Variants in PPP6R2 observed in about 807,000 individuals in gnomAD.
The protein encoded by PPP6R2 is protein phosphatase 6 regulatory subunit 2.
A neutral mutation model predicts 100.2 loss-of-function variants in PPP6R2; 62 were observed. That is an observed-to-expected ratio of 0.62 (90% CI 0.50 to 0.76). PPP6R2 has a LOEUF of 0.76. Ranked by LOEUF, PPP6R2 falls within the 30% of genes least tolerant of loss-of-function variation. The pLI, the probability that PPP6R2 is intolerant of heterozygous loss-of-function variation, is 0.00. For missense variants in PPP6R2, 1,142 were observed against 1,276.3 expected (o/e 0.89, Z 1.60); for synonymous variants, 525 against 514.7 (o/e 1.02, Z -0.27).
intron 4 of PPP6R2, among the ~76,000 whole-genome samples, chr22:50,410,051 T>C (rs1367508471): frequency 6.6e-6 from 1 of 152,146 alleles, no homozygotes; most frequent in Non-Finnish European, 1.5e-5. Flanking sequence ...GTTTTTATTT[T>C]TTTTCTTTTC....
Position 50,444,323 on chromosome 22 carries a change from CTTTTTT to C in PPP6R2, c.*83_*88del. 1 of 1,194,496 alleles carries C rather than the reference CTTTTTT, an allele frequency of 8.4e-7. No homozygotes were observed. The highest frequency in any genetic ancestry group is 1.6e-5 in the African/African-American group (1 of 61,656). 74.0% of individuals were successfully genotyped at this position (1,194,496 alleles called of 1,614,324 possible). A position where few individuals can be genotyped will look rare whatever the true frequency, so the allele number is the denominator to read the frequency against. ...CGAGAAAACTACCTGGTGATGCAAT[CTTTTTT>C]TTTTTTAATTTAATTTAATTTTAAA... is the stretch of plus-strand genomic sequence containing the variant. On this transcript the variant is annotated 3_prime_UTR_variant, in exon 24 of 24. Transcript: ENST00000612753.
chr22:50,358,990 G>GGCCCC (rs2047181298), intron 1 of PPP6R2, among the ~76,000 whole-genome samples: 4 of 42,670 alleles, frequency 9.4e-5, no homozygotes, highest in Non-Finnish European at 1.6e-4. Flanking sequence ...TAAAAGAACC[G>GGCCCC]CCCCCCCCCC....
intron 4 of PPP6R2, among the ~76,000 whole-genome samples, chr22:50,409,078 C>G (rs1490422238): frequency 6.6e-6 from 1 of 152,184 alleles, no homozygotes; most frequent in Non-Finnish European, 1.5e-5. Context: ...TGCGCCATTG[C>G]ACTCCAGCCT....
intron 1 of PPP6R2, among the ~76,000 whole-genome samples, chr22:50,347,334 C>T (rs543072384): frequency 6.6e-6 from 1 of 152,114 alleles, no homozygotes; most frequent in Non-Finnish European, 1.5e-5. Context: ...GTCATCACCC[C>T]TCTTGTCCAA....
intron 4 of PPP6R2, among the ~76,000 whole-genome samples, chr22:50,412,154 T>C (rs1351656459): frequency 6.6e-6 from 1 of 152,174 alleles, no homozygotes; most frequent in Non-Finnish European, 1.5e-5. Flanking sequence ...TGTGTGAATA[T>C]GATCCATCGA....
At chr22:50,377,316 G>A (rs754499616) in intron 2 of PPP6R2, among the ~76,000 whole-genome samples, 1 of 152,172 alleles carries the variant, frequency 6.6e-6, no homozygotes, top group African/African-American at 2.4e-5. Flanking sequence ...TTAGCCAGGC[G>A]TGGTGGTGCA....
chr22:50,337,076 G>GA, the PPP6R2 span, among the ~76,000 whole-genome samples: 4 of 151,926 alleles, frequency 2.6e-5, no homozygotes, highest in African/African-American at 9.7e-5. Flanking sequence ...TTTGAAGGAG[G>GA]AAAAACCAAG....
At chr22:50,433,131 G>A (rs1471226960) in intron 12 of PPP6R2, among the ~76,000 whole-genome samples, 4 of 152,284 alleles carry the variant, frequency 2.6e-5, no homozygotes, top group Admixed American at 2.0e-4. Context: ...CACGTGGCAG[G>A]TGCTACTCAA....
the PPP6R2 span, among the ~76,000 whole-genome samples, chr22:50,335,607 G>A: frequency 2.6e-5 from 4 of 151,256 alleles, no homozygotes; most frequent in Non-Finnish European, 1.5e-5. Flanking sequence ...CACCTCCTGG[G>A]TTCAGGTGAT....
intron 22 of PPP6R2, among the ~76,000 whole-genome samples, chr22:50,442,165 C>T (rs2065802671): frequency 6.6e-6 from 1 of 152,192 alleles, no homozygotes; most frequent in Non-Finnish European, 1.5e-5. Flanking sequence ...TGCATGCGTC[C>T]CACCTGTACT....
chr22:50,337,373 T>C, the PPP6R2 span, among the ~76,000 whole-genome samples: 6 of 139,474 alleles, frequency 4.3e-5, no homozygotes, highest in South Asian at 2.3e-4. Flanking sequence ...GTGTGTGCTG[T>C]GTGGGGGGTG....
At chr22:50,383,426 G>A (rs1161715895) in intron 2 of PPP6R2, among the ~76,000 whole-genome samples, 11 of 152,114 alleles carry the variant, frequency 7.2e-5, no homozygotes, top group Non-Finnish European at 1.3e-4. Flanking sequence ...AGGGTTGCCC[G>A]TGTTTTCCCA....
At chr22:50,339,328 TG>T (rs2042341982), upstream of PPP6R2, among the ~76,000 whole-genome samples, 1 of 113,842 alleles carries the variant, frequency 8.8e-6, no homozygotes, top group African/African-American at 3.6e-5. Flanking sequence ...GTAGTGTGTG[TG>T]GTGTGTGTGG....
At chr22:50,397,639 CTTGT>C (rs2057241041) in intron 3 of PPP6R2, among the ~76,000 whole-genome samples, 2 of 118,366 alleles carry the variant, frequency 1.7e-5, no homozygotes, top group Non-Finnish European at 3.2e-5. Flanking sequence ...CCTCACCAGC[CTTGT>C]CATCTCTGAG....
chr22:50,400,527 C>T (rs954703306), intron 3 of PPP6R2, among the ~76,000 whole-genome samples: 1 of 152,164 alleles, frequency 6.6e-6, no homozygotes, highest in African/African-American at 2.4e-5. Context: ...CACCTGTTTT[C>T]TCTCCTCTCT....
intron 3 of PPP6R2, among the ~76,000 whole-genome samples, chr22:50,398,259 C>T (rs1019875358): frequency 6.6e-6 from 1 of 151,110 alleles, no homozygotes; most frequent in Non-Finnish European, 1.5e-5. Context: ...ACAACCTCCG[C>T]GTCCCAGGTT....
intron 3 of PPP6R2, among the ~76,000 whole-genome samples, chr22:50,395,231 C>CA (rs1373971223): frequency 1.3e-5 from 2 of 152,172 alleles, no homozygotes; most frequent in Non-Finnish European, 2.9e-5. Context: ...CGTCCGTTCT[C>CA]AGAGTTTTTC....
chr22:50,438,500 C>A, intron 18 of PPP6R2, 99 bp from the exon 19 acceptor site: 1 of 1,473,380 alleles, frequency 6.8e-7, no homozygotes, highest in Non-Finnish European at 9.3e-7. Flanking sequence ...TCGAGACGAT[C>A]TGTGCTCACC....
At chr22:50,415,233 A>G (rs1300824105) in intron 5 of PPP6R2, among the ~76,000 whole-genome samples, 2 of 152,222 alleles carry the variant, frequency 1.3e-5, no homozygotes, top group Non-Finnish European at 2.9e-5. Context: ...ACTTCTGCTC[A>G]CTGTTCGGCC....
Sources: allele counts gnomAD v4.1 joint callset (sites outside exome capture counted in the v4.1 genomes callset), GRCh38; gene constraint gnomAD v4.1.1; transcripts MANE v1.5; gene names NCBI Gene and HGNC (gene_info 2026-07-23, HGNC 2026-07-21).